UBE2H: variants seen among roughly 807,000 people sequenced by gnomAD.
UBE2H encodes the protein ubiquitin conjugating enzyme E2 H.
Under a neutral mutation model 29.0 loss-of-function variants are expected in UBE2H, and 3 were observed. The observed-to-expected ratio is 0.10, with a 90% CI of 0.05 to 0.27. The LOEUF (loss-of-function observed/expected upper bound fraction) is 0.27. Among genes scored for constraint, UBE2H ranks in the 10% least tolerant of loss-of-function variants. The pLI, the probability that UBE2H is intolerant of heterozygous loss-of-function variation, is 1.00. For missense variants in UBE2H, 68 were observed against 228.2 expected (o/e 0.30, Z 4.52); for synonymous variants, 69 against 82.9 (o/e 0.83, Z 0.91).
At chr7:129,932,564 G>A (rs768513865) in intron 1 of UBE2H, among the ~76,000 whole-genome samples, 3 of 151,568 alleles carry the variant, frequency 2.0e-5, no homozygotes, top group Admixed American at 2.0e-4. Flanking sequence ...TCCTGTCAGA[G>A]GAGATCGAGA....
In UBE2H at chr7:129,867,612, G is replaced by C. The variant is rs567809195; in HGVS notation, c.206-8671C>G. ...ATACCTAATGCTAGATGACACATTA[G>C]TGGGTGCAGCGCACCAGCATGGCAC... On this transcript the variant is annotated intron_variant, in intron 3 of 6. Coordinates refer to ENST00000355621, the MANE Select transcript of UBE2H (RefSeq NM_003344.4). Among the ~76,000 whole-genome samples, 46 of 105,066 alleles carry C rather than the reference G, an allele frequency of 4.4e-4. 1 individual carries two copies. The highest frequency in any genetic ancestry group is 2.6e-3 in the South Asian group (7 of 2,654). The allele number at this position is 105,066 out of a possible 152,430, so 68.9% of individuals were successfully genotyped here.
chr7:129,930,012 CA>C, intron 1 of UBE2H, among the ~76,000 whole-genome samples: 1 of 152,022 alleles, frequency 6.6e-6, no homozygotes, highest in South Asian at 2.1e-4. Flanking sequence ...TCTCAAAAAA[CA>C]AAACAAAACA....
At chr7:129,873,753 T>C (rs1038328004) in intron 3 of UBE2H, among the ~76,000 whole-genome samples, 1 of 152,160 alleles carries the variant, frequency 6.6e-6, no homozygotes, top group Non-Finnish European at 1.5e-5. Context: ...TCAAGTTCTA[T>C]GGCAGCACGA....
chr7:129,926,444 G>C (rs1018925982), intron 1 of UBE2H, among the ~76,000 whole-genome samples: 4 of 151,650 alleles, frequency 2.6e-5, no homozygotes, highest in African/African-American at 9.7e-5. Flanking sequence ...AGGAGGCAGA[G>C]GCTGCAGTGA....
intron 1 of UBE2H, among the ~76,000 whole-genome samples, chr7:129,889,669 C>G (rs1806434135): frequency 6.6e-6 from 1 of 152,042 alleles, no homozygotes; most frequent in Non-Finnish European, 1.5e-5. Context: ...AGAAGAGTAC[C>G]CAGCAAACAG....
chr7:129,926,218 T>G (rs1225285836), intron 1 of UBE2H, among the ~76,000 whole-genome samples: 1 of 152,092 alleles, frequency 6.6e-6, no homozygotes, highest in Admixed American at 6.6e-5. Context: ...GGTCTGAAAC[T>G]CCTGGCCTCG....
At chr7:129,880,011 T>G (rs1027046470) in intron 2 of UBE2H, among the ~76,000 whole-genome samples, 1 of 152,036 alleles carries the variant, frequency 6.6e-6, no homozygotes, top group African/African-American at 2.4e-5. Context: ...TGGAAACCAT[T>G]CACGTGGCCA....
chr7:129,904,427 T>C (rs1222982573), intron 1 of UBE2H, among the ~76,000 whole-genome samples: 3 of 152,120 alleles, frequency 2.0e-5, no homozygotes, highest in Admixed American at 6.5e-5. Flanking sequence ...GCCTTTATGG[T>C]GTGTCTAAAT....
At chr7:129,896,457 T>C (rs967631046) in intron 1 of UBE2H, among the ~76,000 whole-genome samples, 27 of 152,164 alleles carry the variant, frequency 1.8e-4, no homozygotes, top group Admixed American at 6.5e-5. Context: ...TGGAGTCCAG[T>C]GGCGAGATCC....
At chr7:129,946,027 T>C (rs575621096) in intron 1 of UBE2H, among the ~76,000 whole-genome samples, 48 of 151,540 alleles carry the variant, frequency 3.2e-4, no homozygotes, top group African/African-American at 9.4e-4. Context: ...TGTATAGGCA[T>C]GAGCCACTGT....
chr7:129,889,420 A>G (rs1806429211), intron 1 of UBE2H, among the ~76,000 whole-genome samples: 1 of 152,236 alleles, frequency 6.6e-6, no homozygotes, highest in Non-Finnish European at 1.5e-5. Context: ...AATTTTCATG[A>G]CAAAACAAAA....
At chr7:129,910,075 T>G (rs1158531070) in intron 1 of UBE2H, among the ~76,000 whole-genome samples, 1 of 152,104 alleles carries the variant, frequency 6.6e-6, no homozygotes, top group African/African-American at 2.4e-5. Flanking sequence ...TCGCCTATAA[T>G]CCCAGCACTT....
chr7:129,919,209 TATA>T (rs1370906037), intron 1 of UBE2H, among the ~76,000 whole-genome samples: 1 of 147,218 alleles, frequency 6.8e-6, no homozygotes, highest in Non-Finnish European at 1.5e-5. Flanking sequence ...TCAAAGGAAA[TATA>T]ATAATTTCTA....
At chr7:129,922,911 CTTTTT>C (rs1032141550) in intron 1 of UBE2H, among the ~76,000 whole-genome samples, 1 of 150,868 alleles carries the variant, frequency 6.6e-6, no homozygotes, top group Non-Finnish European at 1.5e-5. Context: ...TCTTTTTTTT[CTTTTT>C]TTTGAGAAGG....
intron 3 of UBE2H, among the ~76,000 whole-genome samples, chr7:129,860,314 G>A (rs1180619347): frequency 1.3e-5 from 2 of 152,108 alleles, no homozygotes; most frequent in African/African-American, 4.8e-5. Flanking sequence ...GAGGGCCTAT[G>A]TGATGTTTAA....
chr7:129,886,439 CA>C (rs1197051849), intron 1 of UBE2H, among the ~76,000 whole-genome samples: 1 of 152,196 alleles, frequency 6.6e-6, no homozygotes, highest in Admixed American at 6.5e-5. Context: ...GATTTTTATA[CA>C]GTTCTGAAAT....
intron 1 of UBE2H, among the ~76,000 whole-genome samples, chr7:129,922,990 C>G (rs1435415199): frequency 6.6e-6 from 1 of 152,048 alleles, no homozygotes; most frequent in Non-Finnish European, 1.5e-5. Flanking sequence ...CAAGCTCCGC[C>G]TCCCAGGTTC....
Position 129,919,700 on chromosome 7 carries a change from G to A in UBE2H, c.53+32803C>T, listed in dbSNP as rs189423055. ...TGTGTGTCCCTTTGCCACTCACTGG[G>A]AGACAAAGTTCATCTCTCTCCTAGA... On this transcript the variant is annotated intron_variant, in intron 1 of 6. Coordinates refer to ENST00000355621, the MANE Select transcript of UBE2H (RefSeq NM_003344.4). 2.0e-5 allele frequency among the ~76,000 whole-genome samples: 3 copies of A among 152,260 alleles called. No individual in the cohort carries two copies. In the East Asian group the frequency reaches 5.8e-4, roughly 29 times the overall value.
chr7:129,849,710 G>A (rs370731137), intron 5 of UBE2H, among the ~76,000 whole-genome samples: 3 of 152,190 alleles, frequency 2.0e-5, no homozygotes, highest in Non-Finnish European at 2.9e-5. Flanking sequence ...CTGCAGTGCT[G>A]TGGCTCAGGC....
Sources: gnomAD v4.1 joint callset for allele counts (sites outside exome capture counted in the v4.1 genomes callset) on GRCh38, gnomAD v4.1.1 for gene constraint, MANE v1.5 for transcripts, NCBI Gene and HGNC (gene_info 2026-07-23, HGNC 2026-07-21) for gene names.